The following UBE2V1 variants were observed in gnomAD, a reference collection of about 807,000 sequenced individuals.
UBE2V1 encodes ubiquitin conjugating enzyme E2 V1, also known as ubiquitin-conjugating enzyme E2 variant 1.
UBE2V1 carries 15 observed loss-of-function variants against 19.6 expected under a neutral mutation model. The ratio of observed to expected loss-of-function variants is 0.77; its 90% CI spans 0.51 to 1.18. The LOEUF (loss-of-function observed/expected upper bound fraction) is 1.18, where lower values mean the gene tolerates loss of function less well. UBE2V1 is among the 50% of genes most tolerant of loss of function. The pLI, the probability that UBE2V1 is intolerant of heterozygous loss-of-function variation, is 0.00. For synonymous variants in UBE2V1, 60 were observed against 60.7 expected, an observed-to-expected ratio of 0.99 and a Z score of 0.05; for missense variants, 125 against 184.8, an observed-to-expected ratio of 0.68 and a Z score of 1.88.
intron 1 of UBE2V1, among the ~76,000 whole-genome samples, chr20:50,107,176 T>C (rs1167350280): frequency 6.6e-6 from 1 of 152,184 alleles, no homozygotes; most frequent in Non-Finnish European, 1.5e-5. Context: ...TCTAGAGCAA[T>C]GGTTCTCCAA....
chr20:50,081,264 G>A lies in UBE2V1; in HGVS notation c.*1504C>T, dbSNP rs1386020825. 1 of 147,712 alleles carries A rather than the reference G, an allele frequency of 6.8e-6. No homozygotes were observed. The highest frequency in any genetic ancestry group is 1.5e-5 in the Non-Finnish European group (1 of 67,112). The allele number at this position is 147,712 out of a possible 1,614,324, so 9.2% of individuals were successfully genotyped here. A position where few individuals can be genotyped will look rare whatever the true frequency, so the allele number is the denominator to read the frequency against. On this transcript the variant is annotated 3_prime_UTR_variant, in exon 4 of 4. Transcript: ENST00000371674. Reference sequence around the variant, plus strand: ...CCTTAGAACTAAGGTTTTCCCCCCAGAAAAAGATTAATGGAAACATCAATT... The same window carrying A: ...CCTTAGAACTAAGGTTTTCCCCCCAAAAAAAGATTAATGGAAACATCAATT...
At chr20:50,098,430 A>C (rs538391119) in intron 1 of UBE2V1, among the ~76,000 whole-genome samples, 1 of 152,356 alleles carries the variant, frequency 6.6e-6, no homozygotes, top group South Asian at 2.1e-4. Context: ...CAAGGGCAGA[A>C]GCAGCTAGGA....
At chr20:50,092,010 C>T (rs1417793660) in intron 2 of UBE2V1, among the ~76,000 whole-genome samples, 2 of 152,102 alleles carry the variant, frequency 1.3e-5, no homozygotes, top group African/African-American at 4.8e-5. Flanking sequence ...AAACACACAT[C>T]CAGGCTCTAA....
chr20:50,107,550 G>C (rs781425407), intron 1 of UBE2V1, among the ~76,000 whole-genome samples: 3 of 152,176 alleles, frequency 2.0e-5, no homozygotes, highest in African/African-American at 7.2e-5. Flanking sequence ...TTAATTCTAC[G>C]ATCAAGTACC....
At chr20:50,114,082 C>A (rs561853519), upstream of UBE2V1, among the ~76,000 whole-genome samples, 2 of 152,280 alleles carry the variant, frequency 1.3e-5, no homozygotes, top group South Asian at 4.1e-4. Context: ...ACAGCTTGTG[C>A]AAAGGCCCTT....
At chr20:50,112,819 C>T (rs918908358) in intron 1 of UBE2V1, among the ~76,000 whole-genome samples, 2 of 152,168 alleles carry the variant, frequency 1.3e-5, no homozygotes, top group Non-Finnish European at 2.9e-5. Flanking sequence ...TCGGAGCTCG[C>T]TCCTCGCCCA....
intron 2 of UBE2V1, among the ~76,000 whole-genome samples, chr20:50,092,521 C>T (rs2079303688): frequency 6.6e-6 from 1 of 152,082 alleles, no homozygotes; most frequent in Non-Finnish European, 1.5e-5. Flanking sequence ...AAACAGCCTA[C>T]AACGCACATA....
chr20:50,104,605 C>T (rs1005062796), intron 1 of UBE2V1, among the ~76,000 whole-genome samples: 1 of 129,570 alleles, frequency 7.7e-6, no homozygotes, highest in Admixed American at 8.7e-5. Flanking sequence ...CTGCAGTGAG[C>T]CGAGATTGCG....
In UBE2V1 at chr20:50,096,812, C is replaced by CT; in HGVS notation, c.30dup (p.Val11SerfsTer24). The stretch of plus-strand genomic sequence containing the variant: ...TCCAACAGTCGGAAATTGCGAGGGA[C>CT]TTTTACTCCTAAAATAAATGGAAAG... On this transcript the variant is annotated frameshift_variant, in exon 2 of 4. Coordinates refer to ENST00000371674, the MANE Select transcript of UBE2V1 (RefSeq NM_001032288.3). LOFTEE classifies it high-confidence loss of function. 1 of 1,613,906 alleles carries CT rather than the reference C, an allele frequency of 6.2e-7. No individual in the cohort carries two copies. Among genetic ancestry groups the CT allele is most frequent in the Non-Finnish European group, 8.5e-7 (1 of 1,179,884 alleles).
intron 1 of UBE2V1, among the ~76,000 whole-genome samples, chr20:50,108,751 A>G (rs574229513): frequency 6.6e-6 from 1 of 152,342 alleles, no homozygotes; most frequent in African/African-American, 2.4e-5. Context: ...CAAGCCCAAG[A>G]GGTGTGAGTC....
chr20:50,107,158 TCTC>T (rs1360963011), intron 1 of UBE2V1, among the ~76,000 whole-genome samples: 2 of 152,168 alleles, frequency 1.3e-5, no homozygotes, highest in African/African-American at 4.8e-5. Context: ...GATCTGTTCT[TCTC>T]CTTCTCTAGA....
chr20:50,104,655 C>CAAAAAAAA lies in UBE2V1; in HGVS notation c.23-7843_23-7836dup, dbSNP rs113771532. ...CCAGGGCGACAGTGAGACTCTGGCA[C>CAAAAAAAA]AAAAAAAAAAAAAAAAAAAAAATTA... On this transcript the variant is annotated intron_variant, in intron 1 of 3. Transcript: ENST00000371674. 7.5e-4 allele frequency among the ~76,000 whole-genome samples: 54 copies of CAAAAAAAA among 71,602 alleles called. 1 individual carries two copies. The highest frequency in any genetic ancestry group is 2.0e-3 in the African/African-American group (40 of 19,552). The allele number at this position is 71,602 out of a possible 152,430, so 47.0% of individuals were successfully genotyped here.
chr20:50,115,637 G>A, upstream of UBE2V1: 1 of 1,350,406 alleles, frequency 7.4e-7, no homozygotes, highest in Non-Finnish European at 9.7e-7. Flanking sequence ...GAGATAAAAT[G>A]CTTTCCTAAA....
At chr20:50,086,032 C>T (rs777005712) in intron 2 of UBE2V1, among the ~76,000 whole-genome samples, 3 of 152,178 alleles carry the variant, frequency 2.0e-5, no homozygotes, top group East Asian at 1.9e-4. Context: ...CTCTTGCTCC[C>T]GGCACAGCAG....
intron 2 of UBE2V1, among the ~76,000 whole-genome samples, chr20:50,088,973 T>C (rs2079074235): frequency 1.3e-5 from 2 of 152,162 alleles, no homozygotes; most frequent in South Asian, 2.1e-4. Context: ...GGGTACATGC[T>C]ATGTTAGAAT....
rs1185751028 is a variant in UBE2V1, at chr20:50,082,846, T to C, written c.366A>G (p.Gln122=). ...TAGACATCATTAGGCGCCGAAGCTC[T>C]TGCAGGACAACTTTGATGCTATATG... ...QNSYSIKVVL[Q]ELRRLMMSKE... The change falls in exon 4 of 4, where the codon CAA becomes CAG. Residue 122 remains glutamine, a synonymous_variant. Coordinates refer to ENST00000371674, the MANE Select transcript of UBE2V1 (RefSeq NM_001032288.3). 6.2e-7 allele frequency: 1 copy of C among 1,613,174 alleles called. No individual in the cohort carries two copies. The highest frequency in any genetic ancestry group is 1.3e-5 in the African/African-American group (1 of 74,910).
At chr20:50,091,410 C>CTTTTTTTT (rs11482128) in intron 2 of UBE2V1, among the ~76,000 whole-genome samples, 3 of 112,332 alleles carry the variant, frequency 2.7e-5, no homozygotes, top group African/African-American at 7.2e-5. Flanking sequence ...TAACTTAAGG[C>CTTTTTTTT]TTTTTTTTTT....
At chr20:50,108,685 T>C (rs2080549520) in intron 1 of UBE2V1, among the ~76,000 whole-genome samples, 1 of 152,222 alleles carries the variant, frequency 6.6e-6, no homozygotes, top group Admixed American at 6.5e-5. Flanking sequence ...AGAAGTCTGA[T>C]GGCTTGCATG....
At chr20:50,107,534 G>C (rs569300836) in intron 1 of UBE2V1, among the ~76,000 whole-genome samples, 1 of 151,808 alleles carries the variant, frequency 6.6e-6, no homozygotes, top group Non-Finnish European at 1.5e-5. Context: ...GAGAAGGGGA[G>C]GATGGTTAAT....
Sources: allele counts gnomAD v4.1 joint callset (sites outside exome capture counted in the v4.1 genomes callset), GRCh38; gene constraint gnomAD v4.1.1; transcripts MANE v1.5; gene names NCBI Gene and HGNC (gene_info 2026-07-23, HGNC 2026-07-21).